The following SLC44A1 variants were observed in gnomAD, a reference collection of about 807,000 sequenced individuals.
The protein encoded by SLC44A1 is solute carrier family 44 member 1.
A neutral mutation model predicts 79.3 loss-of-function variants in SLC44A1; 26 were observed. The ratio of observed to expected loss-of-function variants is 0.33; its 90% CI spans 0.24 to 0.46. The LOEUF (loss-of-function observed/expected upper bound fraction) is 0.46. Ranked by LOEUF, SLC44A1 falls within the 20% of genes least tolerant of loss-of-function variation. The probability of loss-of-function intolerance (pLI) is 1.00; values close to 1 mark genes in which losing one functional copy is unlikely to be tolerated. For synonymous variants in SLC44A1, 263 were observed against 286.2 expected, an observed-to-expected ratio of 0.92 and a Z score of 0.82; for missense variants, 688 against 798.1, an observed-to-expected ratio of 0.86 and a Z score of 1.66.
chr9:105,392,401 CTCTTTTTTTT>C lies in SLC44A1; in HGVS notation c.*3347_*3356del, dbSNP rs1828783963. ...TTGTAGAGATGCTCTCTCTCTCTCTCTCTTTTTTTTTTTTTTTTTTTTTTTTTTTCCGTGA... is the reference window on the plus strand; with the variant it reads ...TTGTAGAGATGCTCTCTCTCTCTCTCTTTTTTTTTTTTTTTTTTTCCGTGA... On this transcript the variant is annotated 3_prime_UTR_variant, in exon 16 of 16. Transcript: ENST00000374720. The C allele has an allele frequency of 3.1e-4, 98 of 318,760 alleles. No individual in the cohort carries two copies. The highest frequency in any genetic ancestry group is 3.5e-4 in the East Asian group (1 of 2,830). 19.7% of individuals were successfully genotyped at this position (318,760 alleles called of 1,614,324 possible). A position where few individuals can be genotyped will look rare whatever the true frequency, so the allele number is the denominator to read the frequency against.
rs115030772 is a variant in SLC44A1, at chr9:105,284,776, C to A, written c.37-14444C>A. Among the ~76,000 whole-genome samples, 279 of 152,198 alleles carry A rather than the reference C, an allele frequency of 1.8e-3. 1 individual carries two copies. Among genetic ancestry groups the A allele is most frequent in the African/African-American group, 6.3e-3 (263 of 41,528 alleles). Reference sequence around the variant, plus strand: ...CCTTTGAAGTGTTTTAATGTGATTTCTTTTATACATATAACAAATTTATTG... The same window carrying A: ...CCTTTGAAGTGTTTTAATGTGATTTATTTTATACATATAACAAATTTATTG... On this transcript the variant is annotated intron_variant, in intron 1 of 15. Transcript: ENST00000374720.
In SLC44A1 at chr9:105,431,557, G is replaced by A. The variant is rs867824812; in HGVS notation, c.1951-6724G>A. Among the ~76,000 whole-genome samples, 4 of 152,202 alleles carry A rather than the reference G, an allele frequency of 2.6e-5. No individual in the cohort carries two copies. The East Asian group carries it at 5.8e-4, about 22-fold the overall frequency. ...CCATGCTGCTTACCTGTCAGCTGAC[G>A]TGAGTAAGAGATTGACAGCCTCCTC... On this transcript the variant is annotated intron_variant, in intron 15 of 15. Coordinates refer to the SLC44A1 transcript ENST00000374724.
At chr9:105,282,925 A>G (rs1183246846) in intron 1 of SLC44A1, among the ~76,000 whole-genome samples, 1 of 152,182 alleles carries the variant, frequency 6.6e-6, no homozygotes, top group African/African-American at 2.4e-5. Flanking sequence ...CTTCATATAC[A>G]GCAGTCACTT....
At chr9:105,331,172 C>T (rs771528828) in intron 3 of SLC44A1, among the ~76,000 whole-genome samples, 48 of 152,156 alleles carry the variant, frequency 3.2e-4, no homozygotes, top group Admixed American at 5.9e-4. Flanking sequence ...AGGATAACAA[C>T]GACAAACTTG....
chr9:105,329,468 A>G (rs997619936), intron 3 of SLC44A1, among the ~76,000 whole-genome samples: 1 of 152,162 alleles, frequency 6.6e-6, no homozygotes, highest in Non-Finnish European at 1.5e-5. Flanking sequence ...GTCTTGTCAC[A>G]GAGTTGCCAT....
intron 2 of SLC44A1, among the ~76,000 whole-genome samples, chr9:105,308,599 A>T (rs1831094349): frequency 1.3e-5 from 2 of 152,174 alleles, no homozygotes; most frequent in Non-Finnish European, 2.9e-5. Flanking sequence ...GGGTAAGTAT[A>T]TTTAAAGGGG....
chr9:105,348,166 T>G (rs1827296358), intron 4 of SLC44A1, among the ~76,000 whole-genome samples, 192 bp from the exon 5 acceptor site: 4 of 152,144 alleles, frequency 2.6e-5, no homozygotes, highest in Admixed American at 2.6e-4. Context: ...TGTACATGAA[T>G]TACATTAATA....
chr9:105,297,581 C>T (rs1444076458), intron 1 of SLC44A1, among the ~76,000 whole-genome samples: 2 of 152,108 alleles, frequency 1.3e-5, no homozygotes, highest in Non-Finnish European at 2.9e-5. Context: ...CGGGGTTTCT[C>T]CATGTTGGTC....
intron 13 of SLC44A1, among the ~76,000 whole-genome samples, chr9:105,376,975 G>A (rs1446274339): frequency 6.6e-6 from 1 of 152,186 alleles, no homozygotes; most frequent in African/African-American, 2.4e-5. Flanking sequence ...ATCACTGTGT[G>A]CTATAATTGC....
intron 1 of SLC44A1, among the ~76,000 whole-genome samples, chr9:105,296,219 TC>T (rs1334456521): frequency 6.6e-6 from 1 of 152,150 alleles, no homozygotes; most frequent in African/African-American, 2.4e-5. Flanking sequence ...CGCTAAGTGT[TC>T]CTTTGTCCAA....
chr9:105,295,284 A>T (rs978870768), intron 1 of SLC44A1, among the ~76,000 whole-genome samples: 6 of 152,198 alleles, frequency 3.9e-5, no homozygotes, highest in Admixed American at 3.9e-4. Context: ...ACTCTCACTA[A>T]AGGCTTGGAT....
At chr9:105,415,815 G>A (rs1426229262) in intron 15 of SLC44A1, among the ~76,000 whole-genome samples, 1 of 149,828 alleles carries the variant, frequency 6.7e-6, no homozygotes, top group African/African-American at 2.5e-5. Context: ...TATCTTACAT[G>A]TTTCTTAGAA....
Position 105,286,231 on chromosome 9 carries a change from C to G in SLC44A1, c.37-12989C>G, listed in dbSNP as rs532108013. ...CATAGTTCATTCCACAGTGTCTACA[C>G]AGGATATGCTAACCACAGTAAACAG... On this transcript the variant is annotated intron_variant, in intron 1 of 15. Transcript: ENST00000374720. Among the ~76,000 whole-genome samples the G allele has an allele frequency of 5.3e-5, 8 of 152,316 alleles. No individual in the cohort carries two copies. The East Asian group carries it at 1.5e-3, about 29-fold the overall frequency.
rs1018972970 is a variant in SLC44A1, at chr9:105,389,262, A to G, written c.*206A>G. On this transcript the variant is annotated 3_prime_UTR_variant, in exon 16 of 16. Coordinates refer to ENST00000374720, the MANE Select transcript of SLC44A1 (RefSeq NM_080546.5). Reference sequence around the variant, plus strand: ...TTTTTTATGCTTATTTTTGTCAAACATGTACTCCTTTCATACGGGTGGCTT... The same window carrying G: ...TTTTTTATGCTTATTTTTGTCAAACGTGTACTCCTTTCATACGGGTGGCTT... The G allele has an allele frequency of 6.4e-6, 8 of 1,246,424 alleles. No individual in the cohort carries two copies. The highest frequency in any genetic ancestry group is 3.1e-5 in the African/African-American group (2 of 65,334). The allele number at this position is 1,246,424 out of a possible 1,614,324, so 77.2% of individuals were successfully genotyped here.
rs1056614501 is a variant in SLC44A1 at position 105,392,115 on chromosome 9, G to A, written c.*3059G>A. On this transcript the variant is annotated 3_prime_UTR_variant, in exon 16 of 16. Transcript: ENST00000374720. The stretch of plus-strand genomic sequence containing the variant: ...CCAGTGCATTAGTAATAAAACATTA[G>A]CAATTTAGCTAGAGCACTGAGATTG... 9.1e-6 allele frequency: 9 copies of A among 985,292 alleles called. No homozygotes were observed. Among genetic ancestry groups the A allele is most frequent in the Non-Finnish European group, 9.6e-6 (8 of 829,922 alleles). 61.0% of individuals were successfully genotyped at this position (985,292 alleles called of 1,614,324 possible). A position where few individuals can be genotyped will look rare whatever the true frequency, so the allele number is the denominator to read the frequency against.
At chr9:105,254,000 CGTGAGCCACTG>C (rs1447151429) in intron 1 of SLC44A1, among the ~76,000 whole-genome samples, 4 of 151,888 alleles carry the variant, frequency 2.6e-5, no homozygotes, top group African/African-American at 9.7e-5. Context: ...GGATTATAGG[CGTGAGCCACTG>C]TGCCTGGCTG....
chr9:105,307,903 G>C (rs1452258895), intron 2 of SLC44A1, among the ~76,000 whole-genome samples: 2 of 152,172 alleles, frequency 1.3e-5, no homozygotes, highest in South Asian at 2.1e-4. Context: ...AGTCAGGAGA[G>C]GGGGAGAGGG....
In SLC44A1 at chr9:105,395,913, T is replaced by C. The variant is rs921920825; in HGVS notation, c.*6857T>C. ...CCGGTGGTGACTTTTTTTTTTTTTT[T>C]GTAAATTGTATTAGATACCCCACAG... On this transcript the variant is annotated 3_prime_UTR_variant, in exon 16 of 16. Coordinates refer to ENST00000374720, the MANE Select transcript of SLC44A1 (RefSeq NM_080546.5). 5 of 980,218 alleles carry C rather than the reference T, an allele frequency of 5.1e-6. No individual in the cohort carries two copies. The highest frequency in any genetic ancestry group is 6.0e-6 in the Non-Finnish European group (5 of 827,894). The allele number at this position is 980,218 out of a possible 1,614,324, so 60.7% of individuals were successfully genotyped here.
intron 15 of SLC44A1, among the ~76,000 whole-genome samples, chr9:105,424,769 A>G (rs1373921622): frequency 6.6e-6 from 1 of 152,138 alleles, no homozygotes; most frequent in African/African-American, 2.4e-5. Context: ...CAACAAGGTG[A>G]AACCCCATCT....
Sources: allele counts gnomAD v4.1 joint callset (sites outside exome capture counted in the v4.1 genomes callset), GRCh38; gene constraint gnomAD v4.1.1; transcripts MANE v1.5; gene names NCBI Gene and HGNC (gene_info 2026-07-23, HGNC 2026-07-21).